The following SPPL3 variants were observed in gnomAD, a reference collection of about 807,000 sequenced individuals.
SPPL3 encodes signal peptide peptidase like 3, also known as signal peptide peptidase-like 3.
SPPL3 carries 5 observed loss-of-function variants against 42.4 expected under a neutral mutation model. The observed-to-expected ratio is 0.12, with a 90% CI of 0.06 to 0.25. The LOEUF (loss-of-function observed/expected upper bound fraction) is 0.25. Among genes scored for constraint, SPPL3 ranks in the 10% least tolerant of loss-of-function variants. The pLI is 1.00. For missense variants in SPPL3, 235 were observed against 489.0 expected (o/e 0.48, Z 4.90); for synonymous variants, 195 against 181.8 (o/e 1.07, Z -0.58).
chr12:120,875,503 C>T (rs1345916887), intron 1 of SPPL3, among the ~76,000 whole-genome samples: 1 of 151,886 alleles, frequency 6.6e-6, no homozygotes, highest in Admixed American at 6.6e-5. Flanking sequence ...GTGGCGGACG[C>T]CCGTAATCCC....
intron 2 of SPPL3, among the ~76,000 whole-genome samples, chr12:120,796,495 T>C (rs1173033466): frequency 6.6e-6 from 1 of 152,250 alleles, no homozygotes; most frequent in Non-Finnish European, 1.5e-5. Flanking sequence ...GGGTCAGTTT[T>C]GATTGACTGA....
intron 6 of SPPL3, among the ~76,000 whole-genome samples, chr12:120,774,687 T>G (rs998517588): frequency 2.0e-5 from 3 of 151,840 alleles, no homozygotes; most frequent in Non-Finnish European, 4.4e-5. Context: ...AATGTCGTAT[T>G]CCCAGAACAT....
chr12:120,846,004 T>G (rs1229824821), intron 1 of SPPL3, among the ~76,000 whole-genome samples: 2 of 152,108 alleles, frequency 1.3e-5, no homozygotes, highest in Admixed American at 6.6e-5. Context: ...TTCAAGCGAT[T>G]CTTATACCTT....
intron 1 of SPPL3, among the ~76,000 whole-genome samples, chr12:120,894,780 T>C (rs1873749700): frequency 6.6e-6 from 1 of 152,048 alleles, no homozygotes; most frequent in African/African-American, 2.4e-5. Context: ...ACCCCGTCTC[T>C]ACTAAAAATA....
Position 120,877,106 on chromosome 12 carries a change from A to C in SPPL3, c.23+26739T>G, listed in dbSNP as rs185902244. ...ATACAAACAACAAATTAGACTACGT[A>C]GATGAAATGGAAAGAGACAAACTAC... On this transcript the variant is annotated intron_variant, in intron 1 of 10. Coordinates refer to ENST00000353487, the MANE Select transcript of SPPL3 (RefSeq NM_139015.5). Among the ~76,000 whole-genome samples the C allele has an allele frequency of 2.1e-3, 322 of 152,352 alleles. 1 individual carries two copies. The highest frequency in any genetic ancestry group is 7.2e-3 in the African/African-American group (301 of 41,588).
chr12:120,859,031 A>G (rs1872548440), intron 1 of SPPL3, among the ~76,000 whole-genome samples: 2 of 152,270 alleles, frequency 1.3e-5, no homozygotes, highest in East Asian at 1.9e-4. Context: ...GTTCTGCCTC[A>G]TTGCATTTCT....
chr12:120,792,013 T>C (rs1451441184), intron 2 of SPPL3: 1 of 174,310 alleles, frequency 5.7e-6, no homozygotes, highest in African/African-American at 2.4e-5. Flanking sequence ...GTGTCTTCTA[T>C]ATCTGGAACT....
chr12:120,806,524 G>C (rs1419570069), intron 2 of SPPL3, among the ~76,000 whole-genome samples: 1 of 152,102 alleles, frequency 6.6e-6, no homozygotes, highest in Non-Finnish European at 1.5e-5. Flanking sequence ...AATTTTAAAT[G>C]TAAGAAGCAA....
intron 1 of SPPL3, among the ~76,000 whole-genome samples, chr12:120,862,188 T>C: frequency 6.6e-6 from 1 of 152,228 alleles, no homozygotes; most frequent in East Asian, 1.9e-4. Context: ...ATTTATTCAT[T>C]TTAAAATAAA....
intron 1 of SPPL3, among the ~76,000 whole-genome samples, chr12:120,890,921 T>C (rs184249261): frequency 6.6e-6 from 1 of 152,270 alleles, no homozygotes; most frequent in African/African-American, 2.4e-5. Context: ...GCTAAGACTA[T>C]CTATCCTATC....
chr12:120,875,570 A>T (rs1474947471), intron 1 of SPPL3, among the ~76,000 whole-genome samples: 1 of 151,720 alleles, frequency 6.6e-6, no homozygotes, highest in Non-Finnish European at 1.5e-5. Flanking sequence ...TGAAGGTTGC[A>T]GTCAGCCGAG....
At chr12:120,883,702 G>GA (rs1054240619) in intron 1 of SPPL3, among the ~76,000 whole-genome samples, 2 of 151,964 alleles carry the variant, frequency 1.3e-5, no homozygotes, top group African/African-American at 4.8e-5. Context: ...ACAAATCTTA[G>GA]AAAAAATATT....
At chr12:120,899,669 T>C (rs1014863873) in intron 1 of SPPL3, among the ~76,000 whole-genome samples, 2 of 151,730 alleles carry the variant, frequency 1.3e-5, no homozygotes, top group African/African-American at 2.4e-5. Context: ...GGCGGGAGGA[T>C]CACCTGAGGT....
intron 1 of SPPL3, among the ~76,000 whole-genome samples, chr12:120,817,249 C>A (rs941199382): frequency 4.6e-5 from 7 of 152,110 alleles, no homozygotes; most frequent in African/African-American, 1.7e-4. Context: ...GAGCCATGAT[C>A]GTGCCACTGC....
intron 2 of SPPL3, among the ~76,000 whole-genome samples, chr12:120,804,315 T>C (rs1870420297): frequency 6.6e-6 from 1 of 152,080 alleles, no homozygotes; most frequent in African/African-American, 2.4e-5. Flanking sequence ...ATTATAAGCA[T>C]ACAGAAAGTG....
chr12:120,808,954 A>G lies in SPPL3; in HGVS notation c.101+1855T>C, dbSNP rs1479020102. The stretch of plus-strand genomic sequence containing the variant: ...CTTGTCCACAGGGTAGAGATGCAAA[A>G]TATCAAGATTACACTGATAAGGTTC... On this transcript the variant is annotated intron_variant, in intron 2 of 10. Transcript: ENST00000353487. Among the ~76,000 whole-genome samples, 8 of 152,206 alleles carry G rather than the reference A, an allele frequency of 5.3e-5. No individual in the cohort carries two copies. In the East Asian group the frequency reaches 1.5e-3, roughly 29 times the overall value.
intron 2 of SPPL3, among the ~76,000 whole-genome samples, chr12:120,804,201 C>A (rs1056552197): frequency 8.6e-5 from 13 of 152,022 alleles, no homozygotes; most frequent in African/African-American, 3.1e-4. Context: ...TGACCAAAAA[C>A]TAACTCAAGA....
intron 1 of SPPL3, among the ~76,000 whole-genome samples, chr12:120,833,596 G>A (rs1175156637): frequency 2.8e-5 from 4 of 143,606 alleles, no homozygotes; most frequent in African/African-American, 1.0e-4. Context: ...CTGGGAAGCT[G>A]AAGTGGGAGG....
intron 1 of SPPL3, among the ~76,000 whole-genome samples, chr12:120,812,871 C>T (rs1870729193): frequency 6.6e-6 from 1 of 152,158 alleles, no homozygotes; most frequent in South Asian, 2.1e-4. Flanking sequence ...ATGAGGAATT[C>T]ATATAAAGAA....
Sources: allele counts gnomAD v4.1 joint callset (sites outside exome capture counted in the v4.1 genomes callset), GRCh38; gene constraint gnomAD v4.1.1; transcripts MANE v1.5; gene names NCBI Gene and HGNC (gene_info 2026-07-23, HGNC 2026-07-21).